Variants in TNNT2 observed in about 807,000 individuals in gnomAD.
TNNT2 encodes troponin T, cardiac muscle.
A neutral mutation model predicts 62.4 loss-of-function variants in TNNT2; 34 were observed. The ratio of observed to expected loss-of-function variants is 0.54; its 90% confidence interval spans 0.41 to 0.72. TNNT2 has a LOEUF of 0.72. TNNT2 is among the 30% of genes least tolerant of loss of function. The pLI, the probability that TNNT2 is intolerant of heterozygous loss-of-function variation, is 0.00. For synonymous variants in TNNT2, 123 were observed against 127.2 expected, an observed-to-expected ratio of 0.97 and a Z score of 0.22; for missense variants, 275 against 381.9, an observed-to-expected ratio of 0.72 and a Z score of 2.33.
intron 6 of TNNT2, 44 bp from the exon 7 acceptor site, chr1:201,367,850 T>C: frequency 1.2e-6 from 2 of 1,611,174 alleles, no homozygotes; most frequent in Non-Finnish European, 8.5e-7. Flanking sequence ...TGTTCTGAGC[T>C]CAAGTCCCCC....
intron 7 of TNNT2, chr1:201,367,139 A>G (rs1659813416): frequency 1.7e-6 from 1 of 581,856 alleles, no homozygotes; most frequent in South Asian, 1.9e-5. Flanking sequence ...CTCACTCACC[A>G]GTTCTGGGCA....
Position 201,366,446 on chromosome 1 carries a change from C to T in TNNT2, c.233+392G>A, listed in dbSNP as rs112342298. On this transcript the variant is annotated intron_variant, in intron 8 of 16. Coordinates refer to ENST00000656932, the MANE Select transcript of TNNT2 (RefSeq NM_001276345.2). ...CTGCCCTCTCTCAGCTCTCTGAAGC[C>T]GCCATGCCTATGCTGGCACGGTTTC... 7.7e-4 allele frequency: 868 copies of T among 1,128,974 alleles called. 5 individuals are homozygous for T. The African/African-American group carries it at 9.3e-3, about 12-fold the overall frequency. 69.9% of individuals were successfully genotyped at this position (1,128,974 alleles called of 1,614,324 possible).
Position 201,367,076 on chromosome 1 carries a change from G to A in TNNT2, c.200-205C>T, listed in dbSNP as rs1659798868. 4.0e-6 allele frequency: 3 copies of A among 744,894 alleles called. No individual in the cohort carries two copies. The South Asian group carries it at 4.8e-5, about 12-fold the overall frequency. The allele number at this position is 744,894 out of a possible 1,614,324, so 46.1% of individuals were successfully genotyped here. A position where few individuals can be genotyped will look rare whatever the true frequency, so the allele number is the denominator to read the frequency against. ...CAGATGCCACACTCCCCCTCCCATAGAGTTCTGCAGGGCACACACTCACGC... is the reference window on the plus strand; with the variant it reads ...CAGATGCCACACTCCCCCTCCCATAAAGTTCTGCAGGGCACACACTCACGC... On this transcript the variant is annotated intron_variant, in intron 7 of 16. Coordinates refer to ENST00000656932, the MANE Select transcript of TNNT2 (RefSeq NM_001276345.2).
At chr1:201,369,370 C>T in intron 5 of TNNT2, 1 of 474,432 alleles carries the variant, frequency 2.1e-6, no homozygotes, top group Non-Finnish European at 4.4e-6. Context: ...CCTGGCTGCT[C>T]TCCAGAGGAC....
intron 7 of TNNT2, 88 bp downstream of exon 7, chr1:201,367,683 C>A: frequency 7.0e-7 from 1 of 1,438,356 alleles, no homozygotes; most frequent in Non-Finnish European, 9.8e-7. Context: ...CATCCACTTC[C>A]CTGGAAAGAG....
intron 7 of TNNT2, 83 bp downstream of exon 7, chr1:201,367,688 A>G: frequency 1.4e-6 from 2 of 1,469,518 alleles, no homozygotes; most frequent in Non-Finnish European, 1.9e-6. Context: ...ACTTCCCTGG[A>G]AAGAGCACTG....
chr1:201,364,629 C>T (rs955682960), intron 10 of TNNT2, among the ~76,000 whole-genome samples: 3 of 152,260 alleles, frequency 2.0e-5, no homozygotes, highest in African/African-American at 7.2e-5. Context: ...AGACATCAGG[C>T]AGGCTCCTTC....
intron 2 of TNNT2, chr1:201,372,981 C>T: frequency 3.0e-6 from 2 of 669,722 alleles, no homozygotes; most frequent in South Asian, 3.0e-5. Context: ...ACTGATGACC[C>T]TGGAGCTGAA....
At chr1:201,369,957 G>A in intron 4 of TNNT2, 112 bp from the exon 5 acceptor site, 2 of 1,230,242 alleles carry the variant, frequency 1.6e-6, no homozygotes, top group Non-Finnish European at 2.4e-6. Flanking sequence ...AAGAGTGTGG[G>A]CTTTGGAGTT....
chr1:201,363,394 G>A lies in TNNT2; in HGVS notation c.502C>T (p.Arg168Ter), dbSNP rs730881103. The A allele has an allele frequency of 2.5e-6, 4 of 1,613,952 alleles. No individual in the cohort carries two copies. Among genetic ancestry groups the A allele is most frequent in the African/African-American group, 2.7e-5 (2 of 74,932 alleles). Residue 168 changes from arginine (R) to a stop codon, truncating the protein, a stop_gained, in exon 12 of 17, where the codon CGA (arginine) becomes TGA (stop). Coordinates refer to ENST00000656932, the MANE Select transcript of TNNT2 (RefSeq NM_001276345.2). LOFTEE classifies it high-confidence loss of function. ...RQNRLAEERA[R>*]REEEENRRKA... Reference sequence around the variant, plus strand: ...CTCCTGTTCTCCTCCTCCTCTCGTCGAGCCCTCTCTTCCTGATTTACAGCA... The same window carrying A: ...CTCCTGTTCTCCTCCTCCTCTCGTCAAGCCCTCTCTTCCTGATTTACAGCA...
intron 1 of TNNT2, chr1:201,374,117 CATAG>C (rs1661047732): frequency 6.6e-6 from 1 of 152,222 alleles, no homozygotes; most frequent in Admixed American, 6.5e-5. Flanking sequence ...TGAATAAGAT[CATAG>C]ATTGATTGTA....
chr1:201,367,949 C>A, intron 6 of TNNT2, 143 bp from the exon 7 acceptor site: 1 of 1,092,808 alleles, frequency 9.2e-7, no homozygotes, highest in Non-Finnish European at 1.4e-6. Flanking sequence ...CTGTCTCTCA[C>A]ACACACATTC....
chr1:201,373,863 A>G (rs3020557), intron 1 of TNNT2: 14,944 of 172,010 alleles, frequency 0.087, 1,276 homozygotes, highest in East Asian at 0.23. Flanking sequence ...GTGAGCCACC[A>G]CACCCATTCC....
chr1:201,377,369 A>G (rs1292966526), intron 1 of TNNT2, among the ~76,000 whole-genome samples: 1 of 152,134 alleles, frequency 6.6e-6, no homozygotes, highest in Non-Finnish European at 1.5e-5. Context: ...CTACATCTTT[A>G]GTGGCAGGTC....
intron 8 of TNNT2, chr1:201,366,182 A>G: frequency 9.6e-7 from 1 of 1,041,222 alleles, no homozygotes; most frequent in Non-Finnish European, 1.2e-6. Context: ...GAGATACCGC[A>G]GTGCACAAGA....
intron 6 of TNNT2, 57 bp from the exon 7 acceptor site, chr1:201,367,863 T>C (rs45560244): frequency 8.1e-6 from 13 of 1,599,008 alleles, no homozygotes; most frequent in Non-Finnish European, 1.0e-5. Context: ...AGTCCCCCCC[T>C]CCGCCACCAG....
At chr1:201,365,899 T>C in intron 8 of TNNT2, 1 of 1,388,096 alleles carries the variant, frequency 7.2e-7, no homozygotes, top group Non-Finnish European at 9.5e-7. Context: ...ATGCTCATGA[T>C]ATGCCCATGA....
rs1660876016 is a variant in TNNT2 at position 201,373,022 on chromosome 1, T to C, written c.41+192A>G. The C allele has an allele frequency of 4.2e-6, 3 of 722,600 alleles. No homozygotes were observed. The Admixed American group carries it at 5.7e-5, about 14-fold the overall frequency. 44.8% of individuals were successfully genotyped at this position (722,600 alleles called of 1,614,324 possible). A position where few individuals can be genotyped will look rare whatever the true frequency, so the allele number is the denominator to read the frequency against. On this transcript the variant is annotated intron_variant, in intron 2 of 16. Coordinates refer to ENST00000656932, the MANE Select transcript of TNNT2 (RefSeq NM_001276345.2). ...GTGCTTCCCGAAGTCTCTCGGCCTG[T>C]GCTCTGCCTGGGATCTACAACCCAG...
intron 16 of TNNT2, 115 bp from the exon 17 acceptor site, chr1:201,359,370 C>A: frequency 1.5e-6 from 2 of 1,333,890 alleles, no homozygotes; most frequent in Non-Finnish European, 2.1e-6. Context: ...GAGCTGCCTC[C>A]AGGGGCAGAA....
Sources: gnomAD v4.1 joint callset for allele counts (sites outside exome capture counted in the v4.1 genomes callset) on GRCh38, gnomAD v4.1.1 for gene constraint, MANE v1.5 for transcripts, NCBI Gene and HGNC (gene_info 2026-07-23, HGNC 2026-07-21) for gene names.